FAM133B: variants seen among roughly 807,000 people sequenced by gnomAD.
FAM133B encodes the protein protein FAM133B.
FAM133B carries 25 observed loss-of-function variants against 46.4 expected under a neutral mutation model. That is an observed-to-expected ratio of 0.54 (90% CI 0.39 to 0.75). FAM133B has a LOEUF of 0.75. Among genes scored for constraint, FAM133B ranks in the 30% least tolerant of loss-of-function variants. The pLI is 0.00. For synonymous variants in FAM133B, 75 were observed against 86.0 expected, an observed-to-expected ratio of 0.87 and a Z score of 0.71; for missense variants, 205 against 277.6, an observed-to-expected ratio of 0.74 and a Z score of 1.86.
chr7:92,574,631 C>T (rs1018861326), intron 8 of FAM133B, among the ~76,000 whole-genome samples: 3 of 151,974 alleles, frequency 2.0e-5, no homozygotes, highest in Non-Finnish European at 2.9e-5. Flanking sequence ...ATGGGCCGGG[C>T]GCGGTGGCTC....
chr7:92,582,304 T>TAACATAACATAACATAAATAACATAA (rs1562897313), intron 1 of FAM133B, among the ~76,000 whole-genome samples: 134 of 143,706 alleles, frequency 9.3e-4, no homozygotes, highest in African/African-American at 3.1e-3. Flanking sequence ...ATAACATAAA[T>TAACATAACATAACATAAATAACATAA]AACATAAAAT....
At chr7:92,563,588 C>A (rs565416590) in intron 10 of FAM133B, among the ~76,000 whole-genome samples, 2 of 152,278 alleles carry the variant, frequency 1.3e-5, no homozygotes, top group South Asian at 4.2e-4. Flanking sequence ...CCACTTAAAA[C>A]CAATGATGCC....
At chr7:92,584,105 G>A (rs997460077) in intron 1 of FAM133B, among the ~76,000 whole-genome samples, 4 of 148,364 alleles carry the variant, frequency 2.7e-5, no homozygotes, top group Non-Finnish European at 5.9e-5. Flanking sequence ...CCAGGCTGGA[G>A]TACAGTGGTC....
At chr7:92,573,163 CTTTTTTTTTTT>C (rs376920507) in intron 8 of FAM133B, among the ~76,000 whole-genome samples, 2 of 118,366 alleles carry the variant, frequency 1.7e-5, no homozygotes, top group South Asian at 2.8e-4. Context: ...AGTTTGGGGA[CTTTTTTTTTTT>C]TTTTTTTTTA....
chr7:92,580,074 T>C (rs1486690615), intron 2 of FAM133B, among the ~76,000 whole-genome samples: 1 of 152,066 alleles, frequency 6.6e-6, no homozygotes, highest in African/African-American at 2.4e-5. Context: ...TCTGGGAAGC[T>C]GGAATTTTTT....
chr7:92,575,784 G>T lies in FAM133B; in HGVS notation c.503C>A (p.Thr168Asn). ...AAGTATAGTTACCTTTTCTTTCTCA[G>T]TTCCATCTTTTGACTTCTTTTTCTT... is the stretch of plus-strand genomic sequence containing the variant. ...LKKKKKSKDG[T>N]EKEKDIKGLS... is the part of the protein sequence containing the mutation. Residue 168 changes from threonine (T) to asparagine (N), a missense_variant, in exon 8 of 11, where the codon ACT becomes AAT. Thr to Asn is a moderately conservative substitution (Grantham distance 65). Coordinates refer to ENST00000445716, the MANE Select transcript of FAM133B (RefSeq NM_152789.4). The T allele has an allele frequency of 7.3e-7, 1 of 1,377,484 alleles. No homozygotes were observed. Among genetic ancestry groups the T allele is most frequent in the Non-Finnish European group, 1.0e-6 (1 of 974,778 alleles). 85.3% of individuals were successfully genotyped at this position (1,377,484 alleles called of 1,614,324 possible). A position where few individuals can be genotyped will look rare whatever the true frequency, so the allele number is the denominator to read the frequency against.
intron 8 of FAM133B, among the ~76,000 whole-genome samples, chr7:92,573,425 G>C (rs1039540683): frequency 1.3e-5 from 2 of 150,968 alleles, no homozygotes; most frequent in African/African-American, 4.9e-5. Flanking sequence ...AAAGTGTTCG[G>C]ATTATAAGCA....
chr7:92,567,664 G>A (rs1057357547), intron 9 of FAM133B, among the ~76,000 whole-genome samples: 17 of 152,132 alleles, frequency 1.1e-4, no homozygotes, highest in African/African-American at 3.9e-4. Flanking sequence ...CAGAGATGAG[G>A]GATGCTGTCA....
intron 10 of FAM133B, among the ~76,000 whole-genome samples, chr7:92,562,770 G>C (rs767741338): frequency 6.6e-6 from 1 of 152,162 alleles, no homozygotes; most frequent in Non-Finnish European, 1.5e-5. Context: ...ACAGAACAGA[G>C]ATATTAAATT....
intron 1 of FAM133B, among the ~76,000 whole-genome samples, chr7:92,584,616 A>G (rs1277248068): frequency 6.6e-6 from 1 of 152,242 alleles, no homozygotes; most frequent in Non-Finnish European, 1.5e-5. Context: ...TGGACATCAT[A>G]TGCAATGTTA....
rs748892198 is a variant in FAM133B at position 92,575,770 on chromosome 7, C to T, written c.516+1G>A. 7.3e-7 allele frequency: 1 copy of T among 1,363,200 alleles called. No individual in the cohort carries two copies. The highest frequency in any genetic ancestry group is 1.0e-6 in the Non-Finnish European group (1 of 962,140). 84.4% of individuals were successfully genotyped at this position (1,363,200 alleles called of 1,614,324 possible). A position where few individuals can be genotyped will look rare whatever the true frequency, so the allele number is the denominator to read the frequency against. ...TTAAGGCAATGTAAAAGTATAGTTA[C>T]CTTTTCTTTCTCAGTTCCATCTTTT... On this transcript the variant is annotated splice_donor_variant, in intron 8 of 10. Transcript: ENST00000445716. LOFTEE classifies it high-confidence loss of function.
chr7:92,573,163 CTTT>C (rs376920507), intron 8 of FAM133B, among the ~76,000 whole-genome samples: 14 of 118,330 alleles, frequency 1.2e-4, no homozygotes, highest in East Asian at 2.4e-4. Flanking sequence ...AGTTTGGGGA[CTTT>C]TTTTTTTTTT....
intron 8 of FAM133B, among the ~76,000 whole-genome samples, chr7:92,574,746 A>G (rs1319518502): frequency 6.6e-6 from 1 of 151,210 alleles, no homozygotes; most frequent in Non-Finnish European, 1.5e-5. Context: ...TCTACTAAAA[A>G]TACAAAAAAT....
At chr7:92,569,081 G>A (rs2116385341) in intron 9 of FAM133B, among the ~76,000 whole-genome samples, 2 of 152,256 alleles carry the variant, frequency 1.3e-5, no homozygotes, top group Admixed American at 1.3e-4. Flanking sequence ...ATACGGAAAC[G>A]ATTAAAGAAT....
At chr7:92,589,672 TCA>T (rs1309852753) in intron 1 of FAM133B, among the ~76,000 whole-genome samples, 3 of 152,188 alleles carry the variant, frequency 2.0e-5, no homozygotes, top group African/African-American at 4.8e-5. Flanking sequence ...ATTCATTCCC[TCA>T]CAGTGTCTAT....
chr7:92,584,027 G>T, intron 1 of FAM133B, among the ~76,000 whole-genome samples: 1 of 133,326 alleles, frequency 7.5e-6, no homozygotes, highest in South Asian at 2.4e-4. Context: ...TCCAGCCTGG[G>T]CGAAAGAGCA....
intron 2 of FAM133B, 62 bp from the exon 3 acceptor site, chr7:92,579,457 A>G (rs1794801255): frequency 8.6e-7 from 1 of 1,163,958 alleles, no homozygotes; most frequent in African/African-American, 1.6e-5. Flanking sequence ...ATGCTTACAA[A>G]TAAGACAACA....
chr7:92,584,633 G>A (rs1379359385), intron 1 of FAM133B, among the ~76,000 whole-genome samples: 3 of 152,188 alleles, frequency 2.0e-5, no homozygotes, highest in African/African-American at 7.2e-5. Flanking sequence ...GTTAAAGACA[G>A]AGGCATATTG....
chr7:92,584,047 C>CAAA (rs765172200), intron 1 of FAM133B, among the ~76,000 whole-genome samples: 2,201 of 36,766 alleles, frequency 0.06, 233 homozygotes, highest in African/African-American at 0.1. Context: ...AAGACTGTCT[C>CAAA]AAAAAAAAAA....
Sources: allele counts gnomAD v4.1 joint callset (sites outside exome capture counted in the v4.1 genomes callset), GRCh38; gene constraint gnomAD v4.1.1; transcripts MANE v1.5; gene names NCBI Gene and HGNC (gene_info 2026-07-23, HGNC 2026-07-21).